RORA: variants seen among roughly 807,000 people sequenced by gnomAD.
The protein encoded by RORA is nuclear receptor ROR-alpha.
RORA carries 7 observed loss-of-function variants against 69.5 expected under a neutral mutation model. The observed-to-expected ratio is 0.10, with a 90% CI of 0.06 to 0.19. The LOEUF is 0.19. Ranked by LOEUF, RORA falls within the 10% of genes least tolerant of loss-of-function variation. The probability of loss-of-function intolerance (pLI) is 1.00; values close to 1 mark genes in which losing one functional copy is unlikely to be tolerated. For synonymous variants in RORA, 261 were observed against 240.8 expected (o/e 1.08, Z -0.78); for missense variants, 457 against 663.0 (o/e 0.69, Z 3.41).
Position 60,929,636 on chromosome 15 carries a change from G to A in RORA, c.167-250950C>T, listed in dbSNP as rs529241196. ...CATTCTCTTGAAAATGTTTGGTTGG[G>A]AAATCTTACAGTGGAGTAGAAAGTG... On this transcript the variant is annotated intron_variant, in intron 1 of 10. Transcript: ENST00000335670. 5.9e-5 allele frequency among the ~76,000 whole-genome samples: 9 copies of A among 152,310 alleles called. No individual in the cohort carries two copies. The South Asian group carries it at 1.7e-3, about 28-fold the overall frequency.
At chr15:60,979,888 GC>G (rs1893990271) in intron 1 of RORA, among the ~76,000 whole-genome samples, 1 of 151,870 alleles carries the variant, frequency 6.6e-6, no homozygotes, top group Non-Finnish European at 1.5e-5. Flanking sequence ...TCATCTAATT[GC>G]CCTGGCTAAA....
intron 1 of RORA, among the ~76,000 whole-genome samples, chr15:61,114,871 A>G (rs930332043): frequency 6.6e-6 from 1 of 152,242 alleles, no homozygotes; most frequent in African/African-American, 2.4e-5. Context: ...CCCAGACGGT[A>G]TAAGAGTCCA....
chr15:60,806,682 A>G (rs2072664211), intron 1 of RORA, among the ~76,000 whole-genome samples: 1 of 152,232 alleles, frequency 6.6e-6, no homozygotes, highest in South Asian at 2.1e-4. Context: ...TTACAGATGG[A>G]GAAACAACCA....
chr15:61,001,021 T>TC, intron 1 of RORA, among the ~76,000 whole-genome samples: 1 of 152,104 alleles, frequency 6.6e-6, no homozygotes, highest in Non-Finnish European at 1.5e-5. Flanking sequence ...TTAACTGAGG[T>TC]TAGTAAAAGT....
In RORA at chr15:60,494,829, C is replaced by T. The variant is rs750189251; in HGVS notation, c.*2626G>A. 5 of 152,188 alleles carry T rather than the reference C, an allele frequency of 3.3e-5. No homozygotes were observed. The highest frequency in any genetic ancestry group is 4.4e-5 in the Non-Finnish European group (3 of 68,042). The allele number at this position is 152,188 out of a possible 1,614,324, so 9.4% of individuals were successfully genotyped here. On this transcript the variant is annotated 3_prime_UTR_variant, in exon 11 of 11. Transcript: ENST00000335670. ...GGCATGACTATTACTGTGGTTAGAG[C>T]ATGATTGTTTGTAGGTACATGCAGA...
chr15:60,995,428 C>A (rs1017245072), intron 1 of RORA, among the ~76,000 whole-genome samples: 3 of 152,182 alleles, frequency 2.0e-5, no homozygotes, highest in Non-Finnish European at 2.9e-5. Context: ...TATTTCCTGG[C>A]TCCACATTCT....
chr15:61,171,814 G>A (rs1164623986), intron 1 of RORA, among the ~76,000 whole-genome samples: 5 of 152,264 alleles, frequency 3.3e-5, no homozygotes, highest in East Asian at 1.9e-4. Context: ...GACACAAAAC[G>A]TTGCCTTTGA....
At chr15:60,740,744 G>A (rs1356159927) in intron 1 of RORA, among the ~76,000 whole-genome samples, 5 of 152,150 alleles carry the variant, frequency 3.3e-5, no homozygotes, top group Admixed American at 2.6e-4. Context: ...AGGTACATAC[G>A]CAGGACCAAA....
intron 1 of RORA, among the ~76,000 whole-genome samples, chr15:60,730,429 C>G (rs2071414559): frequency 6.6e-6 from 1 of 152,192 alleles, no homozygotes; most frequent in African/African-American, 2.4e-5. Context: ...TTTAAACCAA[C>G]CATTCCTTCT....
chr15:60,552,102 G>A (rs1017905492), intron 2 of RORA, among the ~76,000 whole-genome samples: 8 of 152,200 alleles, frequency 5.3e-5, no homozygotes, highest in Admixed American at 3.3e-4. Flanking sequence ...ATCATAGGTA[G>A]AACACGATGC....
chr15:61,036,133 G>C (rs1896448393), intron 1 of RORA, among the ~76,000 whole-genome samples: 1 of 152,168 alleles, frequency 6.6e-6, no homozygotes, highest in African/African-American at 2.4e-5. Flanking sequence ...AGAAGCATAA[G>C]CCTCTTAAAA....
intron 1 of RORA, among the ~76,000 whole-genome samples, chr15:60,995,036 C>T (rs949131506): frequency 6.6e-6 from 1 of 151,888 alleles, no homozygotes; most frequent in Non-Finnish European, 1.5e-5. Flanking sequence ...ATGCCAATGG[C>T]TCTCGCCGCA....
chr15:60,899,876 T>G (rs1595802493), intron 1 of RORA, among the ~76,000 whole-genome samples: 1 of 152,192 alleles, frequency 6.6e-6, no homozygotes. Context: ...GTTAAGGCCT[T>G]CCCTAATACA....
At chr15:60,738,836 T>G (rs1284449841) in intron 1 of RORA, among the ~76,000 whole-genome samples, 1 of 152,176 alleles carries the variant, frequency 6.6e-6, no homozygotes, top group African/African-American at 2.4e-5. Flanking sequence ...CCTTTGAAGG[T>G]GCTAGGGGAA....
intron 1 of RORA, among the ~76,000 whole-genome samples, chr15:61,203,157 G>A (rs527283791): frequency 1.3e-5 from 2 of 152,228 alleles, no homozygotes; most frequent in Admixed American, 1.3e-4. Context: ...CCAAAAAATA[G>A]GCAAGTTTTA....
intron 1 of RORA, among the ~76,000 whole-genome samples, chr15:61,004,359 C>A (rs1450040947): frequency 6.9e-6 from 1 of 145,766 alleles, no homozygotes; most frequent in Non-Finnish European, 1.5e-5. Flanking sequence ...ATTCTTTATG[C>A]TTAAAATGGA....
chr15:61,197,256 T>G (rs2079853464), intron 1 of RORA, among the ~76,000 whole-genome samples: 1 of 152,190 alleles, frequency 6.6e-6, no homozygotes, highest in Admixed American at 6.5e-5. Flanking sequence ...TAATGTAGTT[T>G]GGAAAGAAAG....
intron 1 of RORA, among the ~76,000 whole-genome samples, chr15:60,730,616 A>T (rs993599572): frequency 1.3e-5 from 2 of 152,194 alleles, no homozygotes; most frequent in Non-Finnish European, 2.9e-5. Context: ...CTTTAAATAT[A>T]TGCTTAAATA....
intron 6 of RORA, 151 bp downstream of exon 6, chr15:60,505,357 A>G (rs1055553269): frequency 2.7e-5 from 21 of 791,272 alleles, no homozygotes; most frequent in Non-Finnish European, 4.0e-5. Context: ...CAAAGCCTCA[A>G]GTACATTAGT....
Sources: allele counts gnomAD v4.1 joint callset (sites outside exome capture counted in the v4.1 genomes callset), GRCh38; gene constraint gnomAD v4.1.1; transcripts MANE v1.5; gene names NCBI Gene and HGNC (gene_info 2026-07-23, HGNC 2026-07-21).